CEMIP: variants seen among roughly 807,000 people sequenced by gnomAD.
CEMIP encodes the protein cell migration inducing hyaluronidase 1.
In CEMIP, 105 loss-of-function variants were observed where a neutral mutation model predicts 156.9. That is an observed-to-expected ratio of 0.67 (90% confidence interval 0.57 to 0.79). CEMIP has a LOEUF of 0.79. CEMIP is among the 30% of genes least tolerant of loss of function. The probability of loss-of-function intolerance (pLI) is 0.00; values close to 1 mark genes in which losing one functional copy is unlikely to be tolerated. For missense variants in CEMIP, 1,457 were observed against 1,769.4 expected (o/e 0.82, Z 3.17); for synonymous variants, 676 against 668.4 (o/e 1.01, Z -0.17).
At chr15:80,939,553 T>C (rs986043633) in intron 25 of CEMIP, among the ~76,000 whole-genome samples, 4 of 152,222 alleles carry the variant, frequency 2.6e-5, no homozygotes, top group Non-Finnish European at 4.4e-5. Flanking sequence ...AAGATGTGAA[T>C]TTTTCAAATG....
At chr15:80,782,974 C>T (rs758287963) in intron 1 of CEMIP, among the ~76,000 whole-genome samples, 1 of 152,190 alleles carries the variant, frequency 6.6e-6, no homozygotes, top group Non-Finnish European at 1.5e-5. Context: ...GAGGAACTGT[C>T]ATGTAAAGTG....
At chr15:80,947,689 G>A (rs1213795127) in intron 29 of CEMIP, 1 of 153,920 alleles carries the variant, frequency 6.5e-6, no homozygotes, top group Non-Finnish European at 1.4e-5. Flanking sequence ...CTGTATGGGC[G>A]GCAGAGAAGC....
chr15:80,789,276 G>A (rs1982754), intron 1 of CEMIP, among the ~76,000 whole-genome samples: 28,253 of 152,188 alleles, frequency 0.19, 3,459 homozygotes, highest in Non-Finnish European at 0.28. Context: ...GGGGCTTCCA[G>A]AGAAAGTGGA....
chr15:80,832,726 G>T (rs538645337), intron 1 of CEMIP, among the ~76,000 whole-genome samples: 6 of 152,160 alleles, frequency 3.9e-5, no homozygotes, highest in Admixed American at 6.5e-5. Flanking sequence ...TTAAAATCCA[G>T]ATATTCCAGG....
At chr15:80,822,178 C>T (rs1248076378) in intron 1 of CEMIP, among the ~76,000 whole-genome samples, 2 of 152,214 alleles carry the variant, frequency 1.3e-5, no homozygotes, top group Non-Finnish European at 2.9e-5. Flanking sequence ...TTGTGCACAG[C>T]TTCCTGGCTC....
intron 16 of CEMIP, among the ~76,000 whole-genome samples, chr15:80,921,402 G>A (rs1245332374): frequency 6.6e-6 from 1 of 152,216 alleles, no homozygotes; most frequent in Admixed American, 6.5e-5. Context: ...AGCTTAGAAT[G>A]GTACCTGACA....
At chr15:80,879,546 T>G (rs189597065) in intron 4 of CEMIP, among the ~76,000 whole-genome samples, 170 bp from the exon 5 acceptor site, 1 of 152,180 alleles carries the variant, frequency 6.6e-6, no homozygotes, top group African/African-American at 2.4e-5. Flanking sequence ...CTTCAGATAC[T>G]GAGGGATGAC....
At chr15:80,799,410 C>A (rs1896318543) in intron 1 of CEMIP, among the ~76,000 whole-genome samples, 1 of 152,190 alleles carries the variant, frequency 6.6e-6, no homozygotes, top group Admixed American at 6.5e-5. Context: ...CACTGGGACT[C>A]CCACTTGTGG....
rs560775458 is a variant in CEMIP at position 80,949,568 on chromosome 15, G to A, written c.*644G>A. ...AGGCCCTTTTAGTTCTGAGATTCCA[G>A]AAATCTGCTGCATTTCACATGGTAC... On this transcript the variant is annotated 3_prime_UTR_variant, in exon 30 of 30. Coordinates refer to ENST00000394685, the MANE Select transcript of CEMIP (RefSeq NM_001293298.2). The A allele has an allele frequency of 6.1e-6, 1 of 164,888 alleles. No homozygotes were observed. The highest frequency in any genetic ancestry group is 1.6e-4 in the South Asian group (1 of 6,326). 10.2% of individuals were successfully genotyped at this position (164,888 alleles called of 1,614,324 possible).
intron 1 of CEMIP, among the ~76,000 whole-genome samples, chr15:80,822,727 G>A (rs748232411): frequency 1.3e-5 from 2 of 152,160 alleles, no homozygotes; most frequent in Admixed American, 6.5e-5. Flanking sequence ...CTTGGCTAAC[G>A]ATTTGGTTTT....
chr15:80,827,630 A>G (rs2141669868), intron 1 of CEMIP, among the ~76,000 whole-genome samples: 1 of 152,296 alleles, frequency 6.6e-6, no homozygotes, highest in South Asian at 2.1e-4. Flanking sequence ...AAAACAAACA[A>G]CAACAACAAA....
intron 24 of CEMIP, 89 bp from the exon 25 acceptor site, chr15:80,937,705 A>AT (rs1901181985): frequency 2.5e-6 from 3 of 1,223,330 alleles, no homozygotes; most frequent in East Asian, 2.3e-5. Flanking sequence ...TTTGGTGGAG[A>AT]TTTTTTGGTC....
intron 1 of CEMIP, among the ~76,000 whole-genome samples, chr15:80,867,815 G>C (rs555918453): frequency 1.9e-3 from 294 of 152,286 alleles, no homozygotes; most frequent in African/African-American, 6.9e-3. Flanking sequence ...GCATTTTTCT[G>C]TCAGGAGAGA....
At chr15:80,807,373 G>T (rs1843092) in intron 1 of CEMIP, among the ~76,000 whole-genome samples, 5,039 of 152,142 alleles carry the variant, frequency 0.033, 298 homozygotes, top group African/African-American at 0.12. Flanking sequence ...TGGGACTACA[G>T]GTGCATGCCA....
intron 17 of CEMIP, among the ~76,000 whole-genome samples, chr15:80,924,390 T>G (rs1900579551): frequency 6.6e-6 from 1 of 152,238 alleles, no homozygotes; most frequent in South Asian, 2.1e-4. Context: ...GACCTCAGTT[T>G]CCAAATCTGC....
intron 1 of CEMIP, among the ~76,000 whole-genome samples, chr15:80,801,286 T>G (rs914821849): frequency 1.3e-5 from 2 of 152,196 alleles, no homozygotes; most frequent in African/African-American, 2.4e-5. Context: ...TAATCTCAAC[T>G]CTGTTTTGTA....
chr15:80,868,561 T>TC (rs1898191773), intron 1 of CEMIP, among the ~76,000 whole-genome samples: 1 of 152,176 alleles, frequency 6.6e-6, no homozygotes, highest in South Asian at 2.1e-4. Flanking sequence ...GGCTGTATAA[T>TC]CTCTCATATT....
rs1430102614 is a variant in CEMIP, at chr15:80,942,962, C to T, written c.3717C>T (p.Tyr1239=). 4 of 1,614,224 alleles carry T rather than the reference C, an allele frequency of 2.5e-6. No homozygotes were observed. The Middle Eastern group carries it at 4.9e-4, about 200-fold the overall frequency. The part of the protein sequence containing the change: ...FAYIEVDGKK[Y]PSSEDGIQVV... ...CTCTGTAGGTGGATGGGAAGAAGTACCCCAGTTCGGAGGATGGCATCCAGG... is the reference window on the plus strand; with the variant it reads ...CTCTGTAGGTGGATGGGAAGAAGTATCCCAGTTCGGAGGATGGCATCCAGG... Residue 1239 remains tyrosine, a synonymous_variant, in exon 28 of 30, where the codon TAC becomes TAT. Transcript: ENST00000394685.
Position 80,942,052 on chromosome 15 carries a change from T to C in CEMIP, c.3611T>C (p.Leu1204Pro). Reference protein sequence around the residue: ...PMPKKLFGSQLKTKDHFLEVK... With the variant: ...PMPKKLFGSQPKTKDHFLEVK... ...CCCAAGAAGCTCTTTGGTTCTCAGC[T>C]GGTGAGTGGCTGAGAGCAAAGCCTA... Residue 1204 changes from leucine (L) to proline (P), a missense_variant and splice_region_variant, in exon 26 of 30, where the codon CTG (leucine) becomes CCG (proline). Physicochemically the swap from Leu to Pro is moderately conservative, Grantham distance 98. This residue lies in a region of CEMIP where 798 missense variants were observed against 980.1 expected (regional missense o/e 0.81). Transcript: ENST00000394685. The C allele has an allele frequency of 6.2e-7, 1 of 1,612,462 alleles. No individual in the cohort carries two copies. Among genetic ancestry groups the C allele is most frequent in the Non-Finnish European group, 8.5e-7 (1 of 1,179,068 alleles).
Sources: allele counts gnomAD v4.1 joint callset (sites outside exome capture counted in the v4.1 genomes callset), GRCh38; gene constraint gnomAD v4.1.1; regional missense constraint gnomAD v4.1.1; transcripts MANE v1.5; gene names NCBI Gene and HGNC (gene_info 2026-07-23, HGNC 2026-07-21).